The following PLCL1 variants were observed in gnomAD, a reference collection of about 807,000 sequenced individuals.
The protein encoded by PLCL1 is phospholipase C like 1 (inactive).
PLCL1 carries 41 observed loss-of-function variants against 84.4 expected under a neutral mutation model. The observed-to-expected ratio is 0.49, with a 90% CI of 0.38 to 0.63. The LOEUF is 0.63. Ranked by LOEUF, PLCL1 falls within the 30% of genes least tolerant of loss-of-function variation. PLCL1 has a pLI of 0.00. For synonymous variants in PLCL1, 490 were observed against 488.3 expected (o/e 1.00, Z -0.05); for missense variants, 1,206 against 1,367.8 (o/e 0.88, Z 1.87).
chr2:198,087,823 C>T (rs893767267), intron 2 of PLCL1, among the ~76,000 whole-genome samples: 2 of 152,022 alleles, frequency 1.3e-5, no homozygotes, highest in African/African-American at 4.8e-5. Context: ...TATGTACCTG[C>T]AAAAGTTAAA....
intron 1 of PLCL1, among the ~76,000 whole-genome samples, chr2:197,971,984 G>T (rs747787322): frequency 6.6e-6 from 1 of 152,128 alleles, no homozygotes. Context: ...CATGCATTTT[G>T]GTTATCACAG....
chr2:198,119,034 C>T (rs1300458710), intron 5 of PLCL1, among the ~76,000 whole-genome samples: 4 of 151,794 alleles, frequency 2.6e-5, no homozygotes, highest in Non-Finnish European at 4.4e-5. Context: ...GTAGAGAAGC[C>T]CAAGAATCCA....
chr2:198,008,771 A>G (rs1441645745), intron 1 of PLCL1, among the ~76,000 whole-genome samples: 1 of 151,696 alleles, frequency 6.6e-6, no homozygotes, highest in Non-Finnish European at 1.5e-5. Flanking sequence ...TTTTGGAGGA[A>G]CCTCCATGCT....
chr2:198,133,218 C>T (rs1694168285), intron 5 of PLCL1, among the ~76,000 whole-genome samples: 1 of 151,808 alleles, frequency 6.6e-6, no homozygotes, highest in African/African-American at 2.4e-5. Context: ...GAGTTCATAT[C>T]CTTTGTAGGG....
chr2:197,967,359 G>A (rs1331633574), intron 1 of PLCL1, among the ~76,000 whole-genome samples: 2 of 152,086 alleles, frequency 1.3e-5, no homozygotes, highest in African/African-American at 2.4e-5. Flanking sequence ...ACCACGCCCA[G>A]CTAATTTTTG....
At chr2:198,111,707 A>G (rs2105920194) in intron 5 of PLCL1, among the ~76,000 whole-genome samples, 1 of 151,946 alleles carries the variant, frequency 6.6e-6, no homozygotes, top group East Asian at 2.0e-4. Flanking sequence ...GAGGTTAAGA[A>G]CCTTCCCATT....
intron 1 of PLCL1, among the ~76,000 whole-genome samples, chr2:197,904,863 C>T (rs1688345331): frequency 1.3e-5 from 2 of 151,950 alleles, no homozygotes; most frequent in Non-Finnish European, 2.9e-5. Context: ...AATATTTAGT[C>T]AATTATCAAA....
chr2:198,146,966 T>C lies in PLCL1; in HGVS notation c.*4T>C, dbSNP rs1437070022. On this transcript the variant is annotated 3_prime_UTR_variant, in exon 6 of 6. Transcript: ENST00000428675. ...TGAGGAGAATGGGAAGCTGTGACTC[T>C]GGGCATTATCGACACGTTCACCCAT... The C allele has an allele frequency of 6.3e-7, 1 of 1,581,730 alleles. No individual in the cohort carries two copies. Among genetic ancestry groups the C allele is most frequent in the Admixed American group, 1.8e-5 (1 of 56,244 alleles).
intron 1 of PLCL1, among the ~76,000 whole-genome samples, chr2:197,975,072 C>T (rs969185629): frequency 2.1e-4 from 29 of 136,226 alleles, no homozygotes; most frequent in East Asian, 2.3e-4. Flanking sequence ...ACCCGGGAAG[C>T]GGAGCTTGCA....
At chr2:197,983,190 CTTTTCTTTTCTTTTTTTTTTT>C (rs1690149272) in intron 1 of PLCL1, among the ~76,000 whole-genome samples, 1 of 66,068 alleles carries the variant, frequency 1.5e-5, no homozygotes, top group African/African-American at 5.3e-5. Context: ...TTTTCTTTTT[CTTTTCTTTTCTTTTTTTTTTT>C]TTTTTTTTTT....
chr2:197,989,303 A>C (rs1376019728), intron 1 of PLCL1, among the ~76,000 whole-genome samples: 3 of 152,180 alleles, frequency 2.0e-5, no homozygotes, highest in African/African-American at 7.2e-5. Flanking sequence ...AAAAAGGAAG[A>C]CATGGAGTAT....
At chr2:197,915,410 T>G (rs1433507829) in intron 1 of PLCL1, among the ~76,000 whole-genome samples, 1 of 151,858 alleles carries the variant, frequency 6.6e-6, no homozygotes, top group Non-Finnish European at 1.5e-5. Context: ...ATTTTACTTG[T>G]CAAGTGTGAA....
intron 1 of PLCL1, among the ~76,000 whole-genome samples, chr2:197,867,866 TA>T (rs545595020): frequency 4.4e-4 from 67 of 152,134 alleles, no homozygotes; most frequent in Non-Finnish European, 7.9e-4. Context: ...GAAATACTCA[TA>T]AAAAAAATTG....
intron 1 of PLCL1, among the ~76,000 whole-genome samples, chr2:198,041,210 T>C (rs956215451): frequency 1.3e-5 from 2 of 152,242 alleles, no homozygotes; most frequent in African/African-American, 4.8e-5. Context: ...TGAAAACTGC[T>C]TCTCTGTTTT....
intron 1 of PLCL1, among the ~76,000 whole-genome samples, chr2:197,944,937 T>C (rs910317186): frequency 6.6e-6 from 1 of 152,210 alleles, no homozygotes; most frequent in African/African-American, 2.4e-5. Flanking sequence ...ATCATCTTTG[T>C]GGTTATGGAA....
intron 1 of PLCL1, among the ~76,000 whole-genome samples, chr2:197,884,140 T>A (rs1687878049): frequency 6.6e-6 from 1 of 152,212 alleles, no homozygotes; most frequent in Admixed American, 6.5e-5. Context: ...CACACAGTAA[T>A]TTATTCCACT....
At position 198,064,653 on chromosome 2, in the gene PLCL1, T is replaced by C. The variant is rs1692281559; in HGVS notation, c.241-19105T>C. Among the ~76,000 whole-genome samples, 3 of 152,212 alleles carry C rather than the reference T, an allele frequency of 2.0e-5. 1 individual carries two copies. In the South Asian group the frequency reaches 6.2e-4, roughly 31 times the overall value. On this transcript the variant is annotated intron_variant, in intron 1 of 5. Coordinates refer to ENST00000428675, the MANE Select transcript of PLCL1 (RefSeq NM_006226.4). ...CCGCACCATTGTTATAGTCTTAGTA[T>C]GTTTGAAAATTTAAGTAAAATTTGT...
At chr2:197,819,114 A>G (rs1690753094) in intron 1 of PLCL1, among the ~76,000 whole-genome samples, 1 of 152,110 alleles carries the variant, frequency 6.6e-6, no homozygotes, top group Non-Finnish European at 1.5e-5. Context: ...TTTGAGGAGT[A>G]GAGAAAACCA....
chr2:197,903,704 C>T (rs13412485), intron 1 of PLCL1, among the ~76,000 whole-genome samples: 68,378 of 134,686 alleles, frequency 0.51, 18,330 homozygotes, highest in African/African-American at 0.65. Flanking sequence ...AGGGTTTCAC[C>T]GTGTTAGCCG....
Sources: allele counts gnomAD v4.1 joint callset (sites outside exome capture counted in the v4.1 genomes callset), GRCh38; gene constraint gnomAD v4.1.1; transcripts MANE v1.5; gene names NCBI Gene and HGNC (gene_info 2026-07-23, HGNC 2026-07-21).